Variants in KCNC1 observed in about 807,000 individuals in gnomAD.
KCNC1 encodes the protein potassium voltage-gated channel subfamily C member 1, also known as voltage-gated potassium channel KCNC1.
KCNC1 carries 8 observed loss-of-function variants against 43.4 expected under a neutral mutation model. The ratio of observed to expected loss-of-function variants is 0.18; its 90% CI spans 0.11 to 0.33. The LOEUF (loss-of-function observed/expected upper bound fraction) is 0.33, where lower values mean the gene tolerates loss of function less well. Among genes scored for constraint, KCNC1 ranks in the 10% least tolerant of loss-of-function variants. The pLI is 1.00. For missense variants in KCNC1, 420 were observed against 836.0 expected (o/e 0.50, Z 6.14); for synonymous variants, 361 against 360.5 (o/e 1.00, Z -0.01).
chr11:17,757,387 G>A (rs1205364170), intron 1 of KCNC1, among the ~76,000 whole-genome samples: 1 of 152,194 alleles, frequency 6.6e-6, no homozygotes, highest in Non-Finnish European at 1.5e-5. Context: ...GGGAGGAAGA[G>A]GAGCAGGTGT....
intron 1 of KCNC1, chr11:17,765,816 T>G (rs1369289379): frequency 6.6e-6 from 1 of 152,272 alleles, no homozygotes; most frequent in Non-Finnish European, 1.5e-5. Context: ...GGGACTGGCC[T>G]CCCAGCAGGC....
intron 2 of KCNC1, 122 bp downstream of exon 2, chr11:17,772,720 T>G: frequency 6.6e-7 from 1 of 1,511,552 alleles, no homozygotes; most frequent in Non-Finnish European, 8.8e-7. Flanking sequence ...CCGCACTCAG[T>G]CTGGAGGTGT....
chr11:17,770,481 C>A (rs561706036), intron 1 of KCNC1, among the ~76,000 whole-genome samples: 1 of 152,176 alleles, frequency 6.6e-6, no homozygotes, highest in South Asian at 2.1e-4. Context: ...AGAGTCCCGG[C>A]GGGGCTGGCA....
Position 17,781,860 on chromosome 11 carries a change from G to A in KCNC1, c.*126G>A, listed in dbSNP as rs2133811720. ...TGCCGGACGAGTCCGAGTGGCCCAGGCATTGTACTAGGACGGACGTAGCTT... is the reference window on the plus strand; with the variant it reads ...TGCCGGACGAGTCCGAGTGGCCCAGACATTGTACTAGGACGGACGTAGCTT... On this transcript the variant is annotated 3_prime_UTR_variant, in exon 4 of 4. Transcript: ENST00000265969. This position sits in a 1 kb window ranked among gnomAD's most constrained non-coding sequence, Gnocchi z 5.1. 2 of 672,912 alleles carry A rather than the reference G, an allele frequency of 3.0e-6. No individual in the cohort carries two copies. Among genetic ancestry groups the A allele is most frequent in the Non-Finnish European group, 5.4e-6 (2 of 372,742 alleles). 41.7% of individuals were successfully genotyped at this position (672,912 alleles called of 1,614,324 possible).
At chr11:17,766,500 G>T (rs1302486455) in intron 1 of KCNC1, among the ~76,000 whole-genome samples, 1 of 152,134 alleles carries the variant, frequency 6.6e-6, no homozygotes, top group Non-Finnish European at 1.5e-5. Flanking sequence ...GACAGCCCAG[G>T]GTTGTCACAT....
At chr11:17,757,698 G>T (rs910035407) in intron 1 of KCNC1, among the ~76,000 whole-genome samples, 1 of 152,092 alleles carries the variant, frequency 6.6e-6, no homozygotes, top group Non-Finnish European at 1.5e-5. Flanking sequence ...ATATTTTTTG[G>T]TTTCTCAGAG....
intron 1 of KCNC1, among the ~76,000 whole-genome samples, chr11:17,756,209 G>C (rs1590099197): frequency 1.3e-5 from 2 of 152,138 alleles, no homozygotes; most frequent in Middle Eastern, 6.8e-3. Flanking sequence ...CTTTCTCCTG[G>C]AAGCCACTCT....
chr11:17,780,101 G>C (rs1347940887), intron 3 of KCNC1: 1 of 154,724 alleles, frequency 6.5e-6, no homozygotes, highest in Non-Finnish European at 1.4e-5. Context: ...CATGGAAGAG[G>C]CATCCTTGAA....
At chr11:17,752,740 T>A (rs535017959) in intron 1 of KCNC1, among the ~76,000 whole-genome samples, 2 of 152,308 alleles carry the variant, frequency 1.3e-5, no homozygotes, top group East Asian at 3.9e-4. Context: ...GAGCCTCAGT[T>A]TCCTTCTTTA....
At chr11:17,765,546 G>A (rs1285924523) in intron 1 of KCNC1, among the ~76,000 whole-genome samples, 1 of 152,188 alleles carries the variant, frequency 6.6e-6, no homozygotes, top group African/African-American at 2.4e-5. Flanking sequence ...CCATAGAAAT[G>A]GGATGCCTTG....
intron 1 of KCNC1, among the ~76,000 whole-genome samples, chr11:17,750,896 C>T (rs1335030659): frequency 2.6e-5 from 4 of 152,212 alleles, no homozygotes; most frequent in Non-Finnish European, 4.4e-5. Flanking sequence ...GACTTGAGGC[C>T]TTTGATCCAC....
chr11:17,767,080 T>C (rs1314221719), intron 1 of KCNC1, among the ~76,000 whole-genome samples: 1 of 147,196 alleles, frequency 6.8e-6, no homozygotes, highest in Non-Finnish European at 1.5e-5. Flanking sequence ...TGCAGTGAGC[T>C]GAGATTGCGC....
Position 17,779,384 on chromosome 11 carries a change from C to A in KCNC1, c.1505-72C>A. On this transcript the variant is annotated intron_variant, in intron 2 of 3. Transcript: ENST00000265969. This position sits in a 1 kb window ranked among gnomAD's most constrained non-coding sequence, Gnocchi z 7.2. ...GCTGCCCTCTGCCAATACCCCGCTT[C>A]TGGCCTGTCCCCCCCTGCCCCCCAC... 1 of 1,288,028 alleles carries A rather than the reference C, an allele frequency of 7.8e-7. No individual in the cohort carries two copies. Among genetic ancestry groups the A allele is most frequent in the Non-Finnish European group, 1.0e-6 (1 of 969,686 alleles). 79.8% of individuals were successfully genotyped at this position (1,288,028 alleles called of 1,614,324 possible).
chr11:17,772,039 C>T lies in KCNC1; in HGVS notation c.945C>T (p.Phe315=), dbSNP rs768272010. The T allele has an allele frequency of 5.6e-6, 9 of 1,612,736 alleles. No individual in the cohort carries two copies. The highest frequency in any genetic ancestry group is 6.8e-6 in the Non-Finnish European group (8 of 1,179,940). Residue 315 remains phenylalanine, a synonymous_variant, in exon 2 of 4, where the codon TTC becomes TTT. Coordinates refer to ENST00000265969, the MANE Select transcript of KCNC1 (RefSeq NM_001112741.2). ...DVLGFLRVVR[F]VRILRIFKLT... ...TGGGCTTCCTGCGCGTCGTCCGCTT[C>T]GTGCGCATCTTGCGCATCTTTAAGC...
intron 1 of KCNC1, among the ~76,000 whole-genome samples, chr11:17,738,924 C>T (rs1848800724): frequency 1.3e-5 from 2 of 152,198 alleles, no homozygotes; most frequent in Admixed American, 1.3e-4. Context: ...CCAGCTCCCT[C>T]GGGGAACAGT....
At position 17,776,597 on chromosome 11, in the gene KCNC1, T is replaced by C; in HGVS notation, c.1505-2859T>C. 3 of 985,392 alleles carry C rather than the reference T, an allele frequency of 3.0e-6. No homozygotes were observed. The highest frequency in any genetic ancestry group is 9.4e-5 in the South Asian group (2 of 21,278). The allele number at this position is 985,392 out of a possible 1,614,324, so 61.0% of individuals were successfully genotyped here. ...AGCCTGGAAACCATCTCTGAGACGC[T>C]GCCCATGCTGCCATTTCATCACTGC... On this transcript the variant is annotated intron_variant, in intron 2 of 3. Coordinates refer to ENST00000265969, the MANE Select transcript of KCNC1 (RefSeq NM_001112741.2). This position sits in a 1 kb window ranked among gnomAD's most constrained non-coding sequence, Gnocchi z 4.4.
At chr11:17,751,556 A>G (rs534801361) in intron 1 of KCNC1, among the ~76,000 whole-genome samples, 1 of 152,312 alleles carries the variant, frequency 6.6e-6, no homozygotes, top group African/African-American at 2.4e-5. Context: ...GGCCCAGTAC[A>G]TGTGTGCAGA....
intron 1 of KCNC1, among the ~76,000 whole-genome samples, chr11:17,767,609 A>G (rs1849169224): frequency 6.6e-6 from 1 of 152,192 alleles, no homozygotes; most frequent in Non-Finnish European, 1.5e-5. Flanking sequence ...ACTTAGGAGG[A>G]CACTGGGATC....
intron 1 of KCNC1, among the ~76,000 whole-genome samples, chr11:17,751,235 C>G (rs1314762045): frequency 6.6e-6 from 1 of 151,860 alleles, no homozygotes; most frequent in Admixed American, 6.6e-5. Flanking sequence ...TGCTGTGGTT[C>G]TATGGTTAAA....
Sources: allele counts gnomAD v4.1 joint callset (sites outside exome capture counted in the v4.1 genomes callset), GRCh38; gene constraint gnomAD v4.1.1; non-coding constraint Gnocchi (gnomAD v3.1); transcripts MANE v1.5; gene names NCBI Gene and HGNC (gene_info 2026-07-23, HGNC 2026-07-21).